MTBP: variants seen among roughly 807,000 people sequenced by gnomAD.
The protein encoded by MTBP is mdm2-binding protein.
A neutral mutation model predicts 117.0 loss-of-function variants in MTBP; 101 were observed. The observed-to-expected ratio is 0.86, with a 90% CI of 0.73 to 1.02. The LOEUF (loss-of-function observed/expected upper bound fraction) is 1.02. Among genes scored for constraint, MTBP ranks in the 50% least tolerant of loss-of-function variants. MTBP has a pLI of 0.00. For synonymous variants in MTBP, 350 were observed against 351.5 expected (o/e 1.00, Z 0.05); for missense variants, 970 against 1,030.9 (o/e 0.94, Z 0.81).
At chr8:120,475,788 A>G in intron 11 of MTBP, among the ~76,000 whole-genome samples, 1 of 152,040 alleles carries the variant, frequency 6.6e-6, no homozygotes, top group East Asian at 1.9e-4. Flanking sequence ...TTTATTGAGA[A>G]GACAGATGAA....
intron 10 of MTBP, among the ~76,000 whole-genome samples, chr8:120,465,772 G>C (rs992069824): frequency 4.1e-5 from 6 of 146,944 alleles, no homozygotes; most frequent in Admixed American, 1.4e-4. Context: ...TGATTCTCCT[G>C]CCTCAGCCTC....
intron 13 of MTBP, among the ~76,000 whole-genome samples, chr8:120,494,497 A>G (rs1586961918): frequency 6.6e-6 from 1 of 152,182 alleles, no homozygotes. Context: ...CCCTGTGTTT[A>G]TAGACAGCTA....
At chr8:120,490,770 A>T in intron 13 of MTBP, 200 bp downstream of exon 13, 1 of 410,826 alleles carries the variant, frequency 2.4e-6, no homozygotes, top group Non-Finnish European at 4.3e-6. Flanking sequence ...TTATTTGTAC[A>T]TCACTGTTAA....
At chr8:120,497,359 C>A in intron 13 of MTBP, 34 bp from the exon 14 acceptor site, 1 of 1,558,340 alleles carries the variant, frequency 6.4e-7, no homozygotes. Flanking sequence ...CCAGAGAATA[C>A]AAAATAAGTC....
chr8:120,483,218 C>T (rs1563795726), intron 11 of MTBP, among the ~76,000 whole-genome samples: 2 of 151,742 alleles, frequency 1.3e-5, no homozygotes, highest in Admixed American at 1.3e-4. Context: ...TCTGCCTCCC[C>T]AGCTGGCACT....
In MTBP at chr8:120,445,527, C is replaced by T; in HGVS notation, c.57C>T (p.Ala19=). 6.2e-7 allele frequency: 1 copy of T among 1,613,594 alleles called. No homozygotes were observed. The highest frequency in any genetic ancestry group is 8.5e-7 in the Non-Finnish European group (1 of 1,179,808). ...IWGEGKFPSA[A]SREAEHGPEV... ...GGGAAGGAAAATTCCCGTCGGCGGC[C>T]AGTAGGGAGGCAGAACATGGGCCAG... Residue 19 remains alanine (A), a synonymous_variant, in exon 1 of 22, where the codon GCC becomes GCT. Transcript: ENST00000305949.
chr8:120,478,142 C>A (rs557025889), intron 11 of MTBP, among the ~76,000 whole-genome samples: 2 of 152,230 alleles, frequency 1.3e-5, no homozygotes, highest in South Asian at 2.1e-4. Flanking sequence ...TCTCATCAAA[C>A]TAACACAAGA....
At chr8:120,476,901 C>G (rs1328815656) in intron 11 of MTBP, among the ~76,000 whole-genome samples, 1 of 152,166 alleles carries the variant, frequency 6.6e-6, no homozygotes, top group Non-Finnish European at 1.5e-5. Flanking sequence ...AGAAAAACTA[C>G]TTTAAATTTC....
At chr8:120,467,767 A>T (rs574525916) in intron 10 of MTBP, among the ~76,000 whole-genome samples, 21 of 152,258 alleles carry the variant, frequency 1.4e-4, no homozygotes, top group Non-Finnish European at 2.1e-4. Flanking sequence ...TTAAGAATGC[A>T]TTATAAACAA....
intron 12 of MTBP, among the ~76,000 whole-genome samples, chr8:120,488,582 T>C (rs1814269946): frequency 6.6e-6 from 1 of 152,198 alleles, no homozygotes; most frequent in African/African-American, 2.4e-5. Flanking sequence ...ATTCTAAAAA[T>C]GAAATTTTTA....
chr8:120,516,196 T>C lies in MTBP; in HGVS notation c.2246+5T>C, dbSNP rs1586974361. On this transcript the variant is annotated splice_donor_5th_base_variant and intron_variant, in intron 18 of 21. Coordinates refer to ENST00000305949, the MANE Select transcript of MTBP (RefSeq NM_022045.5). ...TTGCCTTTATCCCAGAAAAAGGTGATATATTACATGCACATAAATAGTATA... is the reference window on the plus strand; with the variant it reads ...TTGCCTTTATCCCAGAAAAAGGTGACATATTACATGCACATAAATAGTATA... 1 of 1,604,070 alleles carries C rather than the reference T, an allele frequency of 6.2e-7. No individual in the cohort carries two copies. Among genetic ancestry groups the C allele is most frequent in the East Asian group, 2.2e-5 (1 of 44,778 alleles).
At chr8:120,515,044 G>A (rs1244419310) in intron 17 of MTBP, among the ~76,000 whole-genome samples, 1 of 99,296 alleles carries the variant, frequency 1.0e-5, no homozygotes, top group East Asian at 3.1e-4. Context: ...TTCAGGAAAT[G>A]ATAACACTCC....
At chr8:120,481,111 T>C (rs766447180) in intron 11 of MTBP, among the ~76,000 whole-genome samples, 6 of 152,188 alleles carry the variant, frequency 3.9e-5, no homozygotes, top group Non-Finnish European at 7.3e-5. Context: ...TCTTGGGAGA[T>C]GCAAATTACA....
chr8:120,492,036 G>A (rs536098819), intron 13 of MTBP, among the ~76,000 whole-genome samples: 1 of 152,102 alleles, frequency 6.6e-6, no homozygotes, highest in Non-Finnish European at 1.5e-5. Flanking sequence ...ATAAAAAATC[G>A]CAGGGATGCC....
rs377044749 is a variant in MTBP, at chr8:120,495,877, T to C, written c.1448-1516T>C. Among the ~76,000 whole-genome samples, 103 of 152,322 alleles carry C rather than the reference T, an allele frequency of 6.8e-4. 1 individual carries two copies. The highest frequency in any genetic ancestry group is 2.3e-3 in the African/African-American group (96 of 41,570). Reference sequence around the variant, plus strand: ...CTTTCTACAATGCTTTTGTTTCTGCTGGACTCCCTTTTTTCTGTTTGTTTG... The same window carrying C: ...CTTTCTACAATGCTTTTGTTTCTGCCGGACTCCCTTTTTTCTGTTTGTTTG... On this transcript the variant is annotated intron_variant, in intron 13 of 21. Transcript: ENST00000305949.
chr8:120,489,515 T>C (rs182719652), intron 12 of MTBP, among the ~76,000 whole-genome samples: 1 of 152,274 alleles, frequency 6.6e-6, no homozygotes, highest in Non-Finnish European at 1.5e-5. Context: ...GCGTGGAGAA[T>C]AGGGAAGATC....
chr8:120,473,434 T>C lies in MTBP; in HGVS notation c.1165+2497T>C, dbSNP rs550246404. ...AGAGCGTGGTGCAAAGTGTGGGAAA[T>C]AAAGGAGCATCAAACTGGGTTTTTA... On this transcript the variant is annotated intron_variant, in intron 11 of 21. Coordinates refer to ENST00000305949, the MANE Select transcript of MTBP (RefSeq NM_022045.5). 4.6e-5 allele frequency: 7 copies of C among 152,190 alleles called. No homozygotes were observed. In the East Asian group the frequency reaches 9.7e-4, roughly 21 times the overall value. 9.4% of individuals were successfully genotyped at this position (152,190 alleles called of 1,614,324 possible).
At chr8:120,460,690 T>A (rs1364391893) in intron 8 of MTBP, among the ~76,000 whole-genome samples, 1 of 152,152 alleles carries the variant, frequency 6.6e-6, no homozygotes, top group Non-Finnish European at 1.5e-5. Context: ...TTATTTAGTC[T>A]TTTCACTAGA....
intron 20 of MTBP, among the ~76,000 whole-genome samples, chr8:120,520,787 AAAAAAAG>A (rs61567342): frequency 0.53 from 80,396 of 150,820 alleles, 24,369 homozygotes; most frequent in Non-Finnish European, 0.67. Flanking sequence ...TTCTAGAATT[AAAAAAAG>A]AAAAAAGAAA....
Sources: allele counts gnomAD v4.1 joint callset (sites outside exome capture counted in the v4.1 genomes callset), GRCh38; gene constraint gnomAD v4.1.1; transcripts MANE v1.5; gene names NCBI Gene and HGNC (gene_info 2026-07-23, HGNC 2026-07-21).